ATP6V0E1: variants seen among roughly 807,000 people sequenced by gnomAD.
ATP6V0E1 encodes the protein V-type proton ATPase subunit e 1.
ATP6V0E1 carries 4 observed loss-of-function variants against 11.6 expected under a neutral mutation model. That is an observed-to-expected ratio of 0.35 (90% CI 0.17 to 0.79). The LOEUF is 0.79. ATP6V0E1 is among the 30% of genes least tolerant of loss of function. The pLI is 0.54. For missense variants in ATP6V0E1, 105 were observed against 100.0 expected, an observed-to-expected ratio of 1.05 and a Z score of -0.21; for synonymous variants, 36 against 34.8, an observed-to-expected ratio of 1.04 and a Z score of -0.13.
chr5:173,011,356 T>A (rs10062071), intron 2 of ATP6V0E1, among the ~76,000 whole-genome samples: 15,754 of 150,990 alleles, frequency 0.1, 924 homozygotes, highest in Middle Eastern at 0.19. Flanking sequence ...TGAAAAAAAA[T>A]TTTTTTTTAT....
At chr5:173,022,734 G>GT (rs1388164459) in intron 3 of ATP6V0E1, among the ~76,000 whole-genome samples, 2 of 152,170 alleles carry the variant, frequency 1.3e-5, no homozygotes, top group African/African-American at 4.8e-5. Context: ...CCTGGCTCAA[G>GT]TGATCCTCCT....
chr5:172,991,716 A>G (rs1561767737), intron 1 of ATP6V0E1, among the ~76,000 whole-genome samples: 1 of 152,168 alleles, frequency 6.6e-6, no homozygotes, highest in African/African-American at 2.4e-5. Context: ...TCCCCCATAC[A>G]TATTTATTTA....
At chr5:173,028,943 C>G (rs57883431) in intron 3 of ATP6V0E1, among the ~76,000 whole-genome samples, 2,026 of 152,260 alleles carry the variant, frequency 0.013, 51 homozygotes, top group African/African-American at 0.046. Context: ...GGCTTCAGAT[C>G]CAGCATCCTG....
At chr5:173,020,918 G>C (rs1187915840) in intron 3 of ATP6V0E1, 1 of 519,806 alleles carries the variant, frequency 1.9e-6, no homozygotes. Context: ...TCTAGTCTGG[G>C]AGCAGACAGA....
chr5:173,008,939 A>G (rs1013508323), intron 2 of ATP6V0E1, among the ~76,000 whole-genome samples: 10 of 145,378 alleles, frequency 6.9e-5, no homozygotes, highest in African/African-American at 2.1e-4. Context: ...AAAAAACTCA[A>G]CTGAGGGCTG....
intron 2 of ATP6V0E1, among the ~76,000 whole-genome samples, chr5:173,001,987 C>T (rs777906408): frequency 1.3e-5 from 2 of 152,102 alleles, no homozygotes; most frequent in Admixed American, 1.3e-4. Context: ...CAAAGGTTTT[C>T]AGCTTTTTAA....
rs1231528753 is a variant in ATP6V0E1, at chr5:173,020,227, CCTT to C, written c.153-7_153-5del. On this transcript the variant is annotated splice_polypyrimidine_tract_variant and splice_region_variant and intron_variant, in intron 2 of 3. Coordinates refer to ENST00000519374, the MANE Select transcript of ATP6V0E1 (RefSeq NM_003945.4). ...CACCGCTTCGTTGTTTCTCTCCCAT[CCTT>C]CTTTTAGTTGGCTGATTGCAATTCT... is the stretch of plus-strand genomic sequence containing the variant. 1.9e-6 allele frequency: 3 copies of C among 1,605,816 alleles called. No individual in the cohort carries two copies. The highest frequency in any genetic ancestry group is 2.6e-6 in the Non-Finnish European group (3 of 1,172,714).
chr5:173,020,938 A>G (rs1431421705), intron 3 of ATP6V0E1: 1 of 519,496 alleles, frequency 1.9e-6, no homozygotes. Context: ...AGAAAACAAA[A>G]TTAAGGTTTT....
chr5:173,024,846 C>CTTTTTTTTTT (rs542062411), intron 3 of ATP6V0E1, among the ~76,000 whole-genome samples: 2 of 136,218 alleles, frequency 1.5e-5, no homozygotes, highest in Non-Finnish European at 3.2e-5. Flanking sequence ...TTTCTTTTTT[C>CTTTTTTTTTT]TTTTTTTTTT....
At chr5:173,024,839 CTTTTTTCTTTTTTTTT>C (rs1224565342) in intron 3 of ATP6V0E1, among the ~76,000 whole-genome samples, 1 of 145,094 alleles carries the variant, frequency 6.9e-6, no homozygotes, top group Non-Finnish European at 1.5e-5. Context: ...TTATTTTTTT[CTTTTTTCTTTTTTTTT>C]TTTTTTGAGA....
intron 2 of ATP6V0E1, among the ~76,000 whole-genome samples, chr5:173,000,502 C>T (rs933631705): frequency 1.3e-5 from 2 of 152,062 alleles, no homozygotes; most frequent in Non-Finnish European, 2.9e-5. Flanking sequence ...TGTCTTAGCA[C>T]CTGACTAACT....
chr5:173,025,889 T>A (rs1338363123), intron 3 of ATP6V0E1, among the ~76,000 whole-genome samples: 2 of 151,968 alleles, frequency 1.3e-5, no homozygotes, highest in Non-Finnish European at 1.5e-5. Flanking sequence ...GCTGGTACAG[T>A]GGTATGTGCC....
At chr5:173,033,377 G>T (rs987093064) in intron 3 of ATP6V0E1, among the ~76,000 whole-genome samples, 1 of 151,996 alleles carries the variant, frequency 6.6e-6, no homozygotes, top group Non-Finnish European at 1.5e-5. Context: ...TTTATAATCT[G>T]CCTGGTACTG....
chr5:173,010,180 C>A (rs1430607406), intron 2 of ATP6V0E1, among the ~76,000 whole-genome samples: 1 of 152,048 alleles, frequency 6.6e-6, no homozygotes, highest in Non-Finnish European at 1.5e-5. Context: ...GTGGGAACCT[C>A]GGGAGAATTG....
At chr5:173,031,018 C>G (rs1033734220) in intron 3 of ATP6V0E1, among the ~76,000 whole-genome samples, 11 of 151,980 alleles carry the variant, frequency 7.2e-5, no homozygotes, top group South Asian at 2.1e-4. Flanking sequence ...GATCTCCGCT[C>G]ACCGCAATCT....
intron 2 of ATP6V0E1, among the ~76,000 whole-genome samples, chr5:173,010,653 G>A (rs559552729): frequency 7.2e-5 from 11 of 152,280 alleles, no homozygotes; most frequent in African/African-American, 2.4e-4. Flanking sequence ...AGTGGCGCTA[G>A]GGCAAATCAC....
intron 3 of ATP6V0E1, among the ~76,000 whole-genome samples, chr5:173,032,094 G>A (rs184821775): frequency 2.6e-5 from 4 of 152,002 alleles, no homozygotes; most frequent in African/African-American, 7.2e-5. Flanking sequence ...GGTGGTTGCA[G>A]TGAGCGGTGA....
In ATP6V0E1 at chr5:172,983,915, T is replaced by A; in HGVS notation, c.55T>A (p.Phe19Ile). 1 of 1,613,422 alleles carries A rather than the reference T, an allele frequency of 6.2e-7. No individual in the cohort carries two copies. Among genetic ancestry groups the A allele is most frequent in the East Asian group, 2.2e-5 (1 of 44,880 alleles). The change falls in exon 1 of 4, where the codon TTC becomes ATC. Residue 19 changes from phenylalanine to isoleucine, a missense_variant. Physicochemically the swap from Phe to Ile is conservative, Grantham distance 21. Transcript: ENST00000519374. ...PLIVMSVFWG[F>I]VGFLVPWFIP... Reference sequence around the variant, plus strand: ...CATTGTGATGAGCGTGTTCTGGGGCTTCGTCGGCTTCTTGGTGCCTTGGTT... The same window carrying A: ...CATTGTGATGAGCGTGTTCTGGGGCATCGTCGGCTTCTTGGTGCCTTGGTT...
chr5:172,999,619 G>A (rs189463030), intron 2 of ATP6V0E1, among the ~76,000 whole-genome samples: 17 of 152,270 alleles, frequency 1.1e-4, no homozygotes, highest in Non-Finnish European at 2.2e-4. Context: ...GAGCCACCAC[G>A]CCCAGTCATA....
Sources: allele counts gnomAD v4.1 joint callset (sites outside exome capture counted in the v4.1 genomes callset), GRCh38; gene constraint gnomAD v4.1.1; transcripts MANE v1.5; gene names NCBI Gene and HGNC (gene_info 2026-07-23, HGNC 2026-07-21).